Variants in KPNA4 observed in about 807,000 individuals in gnomAD.
KPNA4 encodes importin subunit alpha-3.
Under a neutral mutation model 71.3 loss-of-function variants are expected in KPNA4, and 13 were observed. That is an observed-to-expected ratio of 0.18 (90% CI 0.12 to 0.29). The LOEUF is 0.29. KPNA4 is among the 10% of genes least tolerant of loss of function. The probability of loss-of-function intolerance (pLI) is 1.00; values close to 1 mark genes in which losing one functional copy is unlikely to be tolerated. For synonymous variants in KPNA4, 189 were observed against 195.2 expected (o/e 0.97, Z 0.26); for missense variants, 334 against 603.2 (o/e 0.55, Z 4.67).
intron 15 of KPNA4, among the ~76,000 whole-genome samples, chr3:160,506,951 CT>C: frequency 6.6e-6 from 1 of 152,296 alleles, no homozygotes; most frequent in African/African-American, 2.4e-5. Flanking sequence ...GGTTCTCCTA[CT>C]TTTGCAGTTA....
intron 1 of KPNA4, among the ~76,000 whole-genome samples, chr3:160,554,750 A>AACAG (rs1329816101): frequency 6.6e-6 from 1 of 152,226 alleles, no homozygotes; most frequent in Non-Finnish European, 1.5e-5. Context: ...TTTCCATAAA[A>AACAG]ACTCAAAATG....
intron 1 of KPNA4, 70 bp downstream of exon 1, chr3:160,565,144 C>T: frequency 1.5e-6 from 2 of 1,346,238 alleles, no homozygotes. Flanking sequence ...AATCCCCACA[C>T]TCGGGGTCCC....
At chr3:160,536,932 A>G (rs1009877357) in intron 1 of KPNA4, 92 bp from the exon 2 acceptor site, 4 of 635,820 alleles carry the variant, frequency 6.3e-6, no homozygotes, top group African/African-American at 5.6e-5. Flanking sequence ...ATACACCTCT[A>G]ATCTTTTCTT....
chr3:160,543,861 C>G (rs1228087842), intron 1 of KPNA4, among the ~76,000 whole-genome samples: 2 of 148,768 alleles, frequency 1.3e-5, no homozygotes, highest in Non-Finnish European at 3.0e-5. Context: ...AATCCTTGAC[C>G]TTTTTTTTTT....
chr3:160,529,419 C>T (rs73023868), intron 7 of KPNA4, among the ~76,000 whole-genome samples: 4,813 of 152,026 alleles, frequency 0.032, 255 homozygotes, highest in African/African-American at 0.11. Context: ...ACCAAAAAAC[C>T]ACAATAAAAA....
intron 13 of KPNA4, among the ~76,000 whole-genome samples, chr3:160,510,690 T>C (rs1259033887): frequency 1.3e-5 from 2 of 152,132 alleles, no homozygotes; most frequent in Admixed American, 6.5e-5. Flanking sequence ...ATAATTCTTA[T>C]AGGGGAATTA....
chr3:160,515,753 T>C (rs897406279), intron 11 of KPNA4, among the ~76,000 whole-genome samples, 173 bp from the exon 12 acceptor site: 5 of 152,002 alleles, frequency 3.3e-5, no homozygotes, highest in African/African-American at 9.7e-5. Context: ...TATCTGGGAC[T>C]ATAGCAGTGC....
At chr3:160,547,330 C>A (rs1387313816) in intron 1 of KPNA4, among the ~76,000 whole-genome samples, 2 of 152,132 alleles carry the variant, frequency 1.3e-5, no homozygotes, top group African/African-American at 4.8e-5. Flanking sequence ...TGATTAGATT[C>A]TCATGGGTGT....
chr3:160,517,413 C>T (rs1721252143), intron 11 of KPNA4, among the ~76,000 whole-genome samples: 2 of 152,030 alleles, frequency 1.3e-5, no homozygotes, highest in South Asian at 4.1e-4. Context: ...AATAACGCTG[C>T]TGTGAATGCT....
intron 7 of KPNA4, among the ~76,000 whole-genome samples, chr3:160,528,366 C>T (rs1721502225): frequency 1.3e-5 from 2 of 151,242 alleles, no homozygotes; most frequent in Admixed American, 6.6e-5. Flanking sequence ...ATTGAAGTAA[C>T]TTTTTTTTTG....
intron 2 of KPNA4, 22 bp from the exon 3 acceptor site, chr3:160,535,919 A>AAAC: frequency 9.1e-7 from 1 of 1,103,896 alleles, no homozygotes; most frequent in Non-Finnish European, 1.2e-6. Context: ...AAAAAAAAAA[A>AAAC]AAAAAACCAA....
intron 1 of KPNA4, among the ~76,000 whole-genome samples, chr3:160,545,806 T>A (rs888545403): frequency 6.6e-6 from 1 of 152,132 alleles, no homozygotes; most frequent in Non-Finnish European, 1.5e-5. Flanking sequence ...TAAAACATAA[T>A]GAGTCTGAAT....
chr3:160,516,454 A>G (rs2108546775), intron 11 of KPNA4, among the ~76,000 whole-genome samples: 1 of 151,616 alleles, frequency 6.6e-6, no homozygotes, highest in Admixed American at 6.6e-5. Flanking sequence ...AAAAAAAAAA[A>G]GACAGAACTT....
At chr3:160,517,727 T>C (rs1002615060) in intron 11 of KPNA4, among the ~76,000 whole-genome samples, 1 of 152,100 alleles carries the variant, frequency 6.6e-6, no homozygotes, top group Non-Finnish European at 1.5e-5. Context: ...TTGAGCTTCT[T>C]TTCATGTGCT....
chr3:160,504,719 G>A (rs1426775687), intron 16 of KPNA4, among the ~76,000 whole-genome samples: 2 of 152,114 alleles, frequency 1.3e-5, no homozygotes, highest in African/African-American at 4.8e-5. Flanking sequence ...AATAAAGTCT[G>A]ACTCATCTCG....
intron 7 of KPNA4, among the ~76,000 whole-genome samples, chr3:160,529,667 T>C (rs896074357): frequency 6.6e-6 from 1 of 152,118 alleles, no homozygotes; most frequent in Non-Finnish European, 1.5e-5. Flanking sequence ...CTTTGTTTGG[T>C]AGAACAATCA....
At chr3:160,548,679 TTATC>T (rs1456782023) in intron 1 of KPNA4, among the ~76,000 whole-genome samples, 7 of 152,218 alleles carry the variant, frequency 4.6e-5, no homozygotes, top group African/African-American at 1.2e-4. Context: ...CATACACATT[TTATC>T]TATCTATTTT....
At chr3:160,552,342 T>C (rs1169474610) in intron 1 of KPNA4, among the ~76,000 whole-genome samples, 1 of 152,124 alleles carries the variant, frequency 6.6e-6, no homozygotes, top group Admixed American at 6.5e-5. Context: ...ATTCCATAAA[T>C]TTATATAATA....
At chr3:160,564,021 T>A (rs868271658) in intron 1 of KPNA4, among the ~76,000 whole-genome samples, 4 of 152,306 alleles carry the variant, frequency 2.6e-5, no homozygotes, top group African/African-American at 9.6e-5. Flanking sequence ...CATGGGAAGT[T>A]GAAGATTTCA....
Sources: gnomAD v4.1 joint callset for allele counts (sites outside exome capture counted in the v4.1 genomes callset) on GRCh38, gnomAD v4.1.1 for gene constraint, MANE v1.5 for transcripts, NCBI Gene and HGNC (gene_info 2026-07-23, HGNC 2026-07-21) for gene names.